The following RGS6 variants were observed in gnomAD, a reference collection of about 807,000 sequenced individuals.
RGS6 encodes the protein regulator of G-protein signaling 6.
RGS6 carries 30 observed loss-of-function variants against 78.5 expected under a neutral mutation model. The observed-to-expected ratio is 0.38, with a 90% CI of 0.29 to 0.52. RGS6 has a LOEUF of 0.52. RGS6 is among the 20% of genes least tolerant of loss of function. The probability of loss-of-function intolerance (pLI) is 0.85; values close to 1 mark genes in which losing one functional copy is unlikely to be tolerated. For missense variants in RGS6, 495 were observed against 609.7 expected (o/e 0.81, Z 1.98); for synonymous variants, 206 against 206.0 (o/e 1.00, Z 0.00).
intron 2 of RGS6, among the ~76,000 whole-genome samples, chr14:72,127,511 A>T (rs1175981976): frequency 6.6e-6 from 1 of 152,202 alleles, no homozygotes; most frequent in Non-Finnish European, 1.5e-5. Context: ...GTTTTCTAAG[A>T]GAACACGTTA....
At chr14:72,056,521 A>G (rs777427106) in intron 2 of RGS6, among the ~76,000 whole-genome samples, 6 of 152,180 alleles carry the variant, frequency 3.9e-5, no homozygotes, top group Non-Finnish European at 8.8e-5. Flanking sequence ...CAAAAAATCA[A>G]ATGTGTTATA....
At chr14:72,433,054 AAC>A (rs1352793489) in intron 3 of RGS6, among the ~76,000 whole-genome samples, 1 of 152,186 alleles carries the variant, frequency 6.6e-6, no homozygotes. Context: ...CTTAGCCCTG[AAC>A]CGTCCAATGA....
At chr14:72,466,894 C>G (rs1283784812) in intron 7 of RGS6, among the ~76,000 whole-genome samples, 1 of 152,212 alleles carries the variant, frequency 6.6e-6, no homozygotes, top group African/African-American at 2.4e-5. Flanking sequence ...TTTATACCCA[C>G]TCTCCTGTGC....
chr14:72,593,370 G>A, the RGS6 span, among the ~76,000 whole-genome samples: 11 of 144,712 alleles, frequency 7.6e-5, no homozygotes, highest in Non-Finnish European at 1.2e-4. Context: ...GATTCTGGTC[G>A]TCTATGTTTT....
intron 17 of RGS6, among the ~76,000 whole-genome samples, chr14:72,548,142 T>C (rs1244054116): frequency 6.6e-6 from 1 of 152,150 alleles, no homozygotes; most frequent in East Asian, 1.9e-4. Flanking sequence ...CCACAAGGGT[T>C]CAGCCATGGC....
intron 2 of RGS6, among the ~76,000 whole-genome samples, chr14:72,296,750 T>C (rs2064908648): frequency 6.6e-6 from 1 of 152,192 alleles, no homozygotes; most frequent in African/African-American, 2.4e-5. Context: ...GCTTATTTTA[T>C]TGAGATTGTC....
chr14:72,054,110 AAG>A (rs2093484498), intron 2 of RGS6, among the ~76,000 whole-genome samples: 1 of 152,206 alleles, frequency 6.6e-6, no homozygotes, highest in Non-Finnish European at 1.5e-5. Context: ...AACCAACATG[AAG>A]ATGACTGATA....
rs557673422 is a variant in RGS6 at position 72,281,219 on chromosome 14, G to A, written c.85-70876G>A. ...GCTGGGGTGCAATGGTGCAATCTCA[G>A]CTCACTGTAGCCTCCGCCTCCCAGG... is the stretch of plus-strand genomic sequence containing the variant. On this transcript the variant is annotated intron_variant, in intron 2 of 17. Transcript: ENST00000553525. Among the ~76,000 whole-genome samples the A allele has an allele frequency of 2.8e-5, 4 of 144,244 alleles. No homozygotes were observed. In the South Asian group the frequency reaches 8.6e-4, roughly 31 times the overall value. The allele number at this position is 144,244 out of a possible 152,430, so 94.6% of individuals were successfully genotyped here.
chr14:72,020,068 A>G (rs529299209), intron 2 of RGS6, among the ~76,000 whole-genome samples: 1 of 152,346 alleles, frequency 6.6e-6, no homozygotes, highest in South Asian at 2.1e-4. Flanking sequence ...CCATGAAGTT[A>G]TATTAATGAC....
At chr14:72,347,258 A>G (rs1371940428) in intron 2 of RGS6, among the ~76,000 whole-genome samples, 4 of 152,202 alleles carry the variant, frequency 2.6e-5, no homozygotes, top group East Asian at 1.9e-4. Flanking sequence ...GTAAGTCTCT[A>G]TACCTTCCCA....
chr14:72,168,099 A>C (rs895853421), intron 2 of RGS6, among the ~76,000 whole-genome samples: 1 of 152,188 alleles, frequency 6.6e-6, no homozygotes, highest in Non-Finnish European at 1.5e-5. Flanking sequence ...AAGAATTAAA[A>C]ATTCTCAAAT....
At chr14:72,290,337 G>C (rs2063364550) in intron 2 of RGS6, among the ~76,000 whole-genome samples, 1 of 152,118 alleles carries the variant, frequency 6.6e-6, no homozygotes, top group Non-Finnish European at 1.5e-5. Context: ...AGGTTTTTCA[G>C]GCACTTTGCA....
the RGS6 span, among the ~76,000 whole-genome samples, chr14:72,579,738 T>A: frequency 3.9e-5 from 6 of 152,244 alleles, no homozygotes; most frequent in African/African-American, 1.4e-4. Flanking sequence ...TAATTCATAA[T>A]CTCACCAGGT....
At chr14:72,410,708 C>T (rs1362293830) in intron 3 of RGS6, among the ~76,000 whole-genome samples, 2 of 152,142 alleles carry the variant, frequency 1.3e-5, no homozygotes, top group East Asian at 3.8e-4. Context: ...TTAGGTCTAA[C>T]ATGTAAGTCT....
chr14:72,056,184 A>C (rs1458404357), intron 2 of RGS6, among the ~76,000 whole-genome samples: 1 of 152,186 alleles, frequency 6.6e-6, no homozygotes, highest in Non-Finnish European at 1.5e-5. Context: ...TCTCATTTAC[A>C]GATGGGGGGA....
chr14:72,582,349 T>A, the RGS6 span, among the ~76,000 whole-genome samples: 3 of 152,158 alleles, frequency 2.0e-5, no homozygotes, highest in African/African-American at 7.2e-5. Context: ...AAGGATGCTG[T>A]TGTAGTCAAC....
intron 2 of RGS6, among the ~76,000 whole-genome samples, chr14:71,965,338 G>T (rs2093445805): frequency 6.6e-6 from 1 of 152,236 alleles, no homozygotes; most frequent in Non-Finnish European, 1.5e-5. Flanking sequence ...AAATAGATGT[G>T]CAAGTAGAGT....
At chr14:72,337,944 C>A (rs918728075) in intron 2 of RGS6, among the ~76,000 whole-genome samples, 1 of 152,198 alleles carries the variant, frequency 6.6e-6, no homozygotes, top group Non-Finnish European at 1.5e-5. Flanking sequence ...TTTATCAAAT[C>A]TCATTTTCTT....
chr14:71,997,258 T>C (rs1375947698), intron 2 of RGS6, among the ~76,000 whole-genome samples: 1 of 152,162 alleles, frequency 6.6e-6, no homozygotes, highest in Non-Finnish European at 1.5e-5. Context: ...TTACTTGTGA[T>C]AGATGAGAAG....
Sources: gnomAD v4.1 joint callset for allele counts (sites outside exome capture counted in the v4.1 genomes callset) on GRCh38, gnomAD v4.1.1 for gene constraint, MANE v1.5 for transcripts, NCBI Gene and HGNC (gene_info 2026-07-23, HGNC 2026-07-21) for gene names.